CCDC148: variants seen among roughly 807,000 people sequenced by gnomAD.
The protein encoded by CCDC148 is coiled-coil domain-containing protein 148.
CCDC148 carries 89 observed loss-of-function variants against 85.7 expected under a neutral mutation model. That is an observed-to-expected ratio of 1.04 (90% CI 0.87 to 1.24). The LOEUF (loss-of-function observed/expected upper bound fraction) is 1.24. CCDC148 is among the 50% of genes most tolerant of loss of function. The pLI is 0.00. For missense variants in CCDC148, 692 were observed against 671.7 expected, an observed-to-expected ratio of 1.03 and a Z score of -0.33; for synonymous variants, 230 against 213.9, an observed-to-expected ratio of 1.08 and a Z score of -0.66.
chr2:158,349,685 A>G (rs1683165091), intron 2 of CCDC148, among the ~76,000 whole-genome samples: 1 of 152,092 alleles, frequency 6.6e-6, no homozygotes, highest in Non-Finnish European at 1.5e-5. Flanking sequence ...CCTCTAAATT[A>G]AATTAGAAGA....
intron 10 of CCDC148, among the ~76,000 whole-genome samples, chr2:158,247,241 T>A (rs1245957411): frequency 1.3e-5 from 2 of 152,164 alleles, no homozygotes; most frequent in Non-Finnish European, 2.9e-5. Flanking sequence ...CATGAAAGAT[T>A]TTCAACCTCA....
intron 11 of CCDC148, among the ~76,000 whole-genome samples, chr2:158,195,346 T>A (rs575973438): frequency 5.9e-5 from 9 of 151,908 alleles, no homozygotes; most frequent in Non-Finnish European, 1.0e-4. Flanking sequence ...ATCCAACATC[T>A]GGCCTTTAAG....
At position 158,278,605 on chromosome 2, in the gene CCDC148, G is replaced by A. The variant is rs372645646; in HGVS notation, c.1111-27693C>T. On this transcript the variant is annotated intron_variant, in intron 9 of 13. Transcript: ENST00000283233. ...GCCCGCCATTGCCCAGGCTTGCTTA[G>A]GTAAACAAAGAAGCCTCAAAGCTAC... 5.9e-5 allele frequency among the ~76,000 whole-genome samples: 9 copies of A among 152,318 alleles called. No individual in the cohort carries two copies. The South Asian group carries it at 1.7e-3, about 28-fold the overall frequency.
At position 158,338,595 on chromosome 2, in the gene CCDC148, C is replaced by G. The variant is rs539804859; in HGVS notation, c.764+131G>C. The G allele has an allele frequency of 4.8e-6, 3 of 629,874 alleles. No homozygotes were observed. In the East Asian group the frequency reaches 9.4e-5, roughly 20 times the overall value. The allele number at this position is 629,874 out of a possible 1,614,324, so 39.0% of individuals were successfully genotyped here. A position where few individuals can be genotyped will look rare whatever the true frequency, so the allele number is the denominator to read the frequency against. On this transcript the variant is annotated intron_variant, in intron 7 of 13. Coordinates refer to ENST00000283233, the MANE Select transcript of CCDC148 (RefSeq NM_138803.4). ...AAACCCTCTCTATTCATCAAATAGTCAGTCTAAACATTTATTGATTGTATT... is the reference window on the plus strand; with the variant it reads ...AAACCCTCTCTATTCATCAAATAGTGAGTCTAAACATTTATTGATTGTATT...
chr2:158,306,750 C>T (rs1691707524), intron 9 of CCDC148, among the ~76,000 whole-genome samples: 1 of 151,300 alleles, frequency 6.6e-6, no homozygotes, highest in Non-Finnish European at 1.5e-5. Flanking sequence ...ATGGGTGCAG[C>T]ACACCAACAT....
chr2:158,334,831 C>T (rs559646791), intron 7 of CCDC148, among the ~76,000 whole-genome samples: 76 of 151,998 alleles, frequency 5.0e-4, no homozygotes, highest in African/African-American at 1.5e-3. Context: ...TATTTGGCTG[C>T]GCAAGTCCCA....
intron 10 of CCDC148, among the ~76,000 whole-genome samples, chr2:158,229,374 T>C (rs1574450959): frequency 6.6e-6 from 1 of 152,310 alleles, no homozygotes; most frequent in East Asian, 1.9e-4. Flanking sequence ...TTGTGAGATA[T>C]TCAGCTAAAG....
At position 158,178,969 on chromosome 2, in the gene CCDC148, T is replaced by C; in HGVS notation, c.1398A>G (p.Glu466=). The C allele has an allele frequency of 6.2e-7, 1 of 1,613,258 alleles. No homozygotes were observed. The highest frequency in any genetic ancestry group is 8.5e-7 in the Non-Finnish European group (1 of 1,179,582). ...CTTCCTTTTTCTCCATCAAACGCCT[T>C]TCCAATAATTCTTGTCTATATTTAA... ...ERVKYRQELL[E]RRLMEKKEVA... Residue 466 remains glutamate, a synonymous_variant, in exon 12 of 14, where the codon GAA becomes GAG. Transcript: ENST00000283233.
chr2:158,313,252 G>A (rs1010429658), intron 8 of CCDC148, among the ~76,000 whole-genome samples: 26 of 152,184 alleles, frequency 1.7e-4, no homozygotes, highest in Admixed American at 1.5e-3. Context: ...TGGGGTATTT[G>A]TGTTTCAGAT....
chr2:158,439,211 G>A (rs1175203626), intron 1 of CCDC148, among the ~76,000 whole-genome samples: 1 of 152,136 alleles, frequency 6.6e-6, no homozygotes, highest in East Asian at 1.9e-4. Flanking sequence ...CAATAGCAAA[G>A]GCTTGGTACC....
chr2:158,396,089 T>A (rs916393555), intron 1 of CCDC148, among the ~76,000 whole-genome samples: 2 of 152,126 alleles, frequency 1.3e-5, no homozygotes, highest in Non-Finnish European at 2.9e-5. Context: ...ATGGTTTGAA[T>A]GTTCCAAAAT....
At chr2:158,306,108 G>GCC (rs1295817803) in intron 9 of CCDC148, among the ~76,000 whole-genome samples, 1 of 152,222 alleles carries the variant, frequency 6.6e-6, no homozygotes, top group Admixed American at 6.5e-5. Flanking sequence ...GGAGGTAGAT[G>GCC]AAGGGTTGAC....
intron 7 of CCDC148, among the ~76,000 whole-genome samples, chr2:158,323,384 C>A (rs1050393338): frequency 6.6e-6 from 1 of 152,146 alleles, no homozygotes; most frequent in African/African-American, 2.4e-5. Flanking sequence ...TATTGTGGAA[C>A]TATTGCATTA....
chr2:158,197,549 T>A (rs942202799), intron 11 of CCDC148, among the ~76,000 whole-genome samples: 1 of 152,126 alleles, frequency 6.6e-6, no homozygotes, highest in Non-Finnish European at 1.5e-5. Context: ...CAAAGAAACA[T>A]CCTGTCTAAA....
intron 2 of CCDC148, among the ~76,000 whole-genome samples, chr2:158,354,951 C>T (rs1028779261): frequency 1.3e-5 from 2 of 151,982 alleles, no homozygotes; most frequent in Non-Finnish European, 2.9e-5. Context: ...TGTAATCCAG[C>T]ATATAAACAG....
At chr2:158,288,076 G>A (rs749526187) in intron 9 of CCDC148, among the ~76,000 whole-genome samples, 1 of 152,208 alleles carries the variant, frequency 6.6e-6, no homozygotes, top group African/African-American at 2.4e-5. Context: ...AGCCTGACCT[G>A]TACTTTGGCC....
intron 9 of CCDC148, among the ~76,000 whole-genome samples, chr2:158,307,777 G>C (rs747895129): frequency 6.6e-6 from 1 of 152,124 alleles, no homozygotes; most frequent in African/African-American, 2.4e-5. Context: ...AAGTACAAAG[G>C]ACTATATACT....
At chr2:158,321,104 T>A (rs545955670) in intron 7 of CCDC148, among the ~76,000 whole-genome samples, 2 of 152,266 alleles carry the variant, frequency 1.3e-5, no homozygotes, top group African/African-American at 4.8e-5. Flanking sequence ...TAAGAGAATT[T>A]AAAATGTTTT....
chr2:158,407,752 T>C (rs1686087421), intron 1 of CCDC148, among the ~76,000 whole-genome samples: 1 of 152,166 alleles, frequency 6.6e-6, no homozygotes, highest in African/African-American at 2.4e-5. Context: ...TATGTCTGGG[T>C]TCATAGAAGC....
Sources: gnomAD v4.1 joint callset for allele counts (sites outside exome capture counted in the v4.1 genomes callset) on GRCh38, gnomAD v4.1.1 for gene constraint, MANE v1.5 for transcripts, NCBI Gene and HGNC (gene_info 2026-07-23, HGNC 2026-07-21) for gene names.